Variants in ZNF804A observed in about 807,000 individuals in gnomAD.
ZNF804A encodes the protein zinc finger protein 804A.
ZNF804A carries 2 observed loss-of-function variants against 16.5 expected under a neutral mutation model. The ratio of observed to expected loss-of-function variants is 0.12; its 90% confidence interval spans 0.05 to 0.38. ZNF804A has a LOEUF of 0.38. Among genes scored for constraint, ZNF804A ranks in the 10% least tolerant of loss-of-function variants. The probability of loss-of-function intolerance (pLI) is 0.99; values close to 1 mark genes in which losing one functional copy is unlikely to be tolerated. For synonymous variants in ZNF804A, 534 were observed against 489.6 expected (o/e 1.09, Z -1.20); for missense variants, 1,473 against 1,390.7 (o/e 1.06, Z -0.94).
chr2:184,617,185 G>A (rs1381396087), intron 1 of ZNF804A, among the ~76,000 whole-genome samples: 2 of 151,928 alleles, frequency 1.3e-5, no homozygotes, highest in East Asian at 3.9e-4. Flanking sequence ...CTACAGAATG[G>A]GTGGAAATGT....
At chr2:184,907,836 A>G in intron 2 of ZNF804A, among the ~76,000 whole-genome samples, 1 of 152,110 alleles carries the variant, frequency 6.6e-6, no homozygotes, top group Admixed American at 6.6e-5. Context: ...CATGTTTTTT[A>G]TTTTGATTTT....
chr2:184,938,334 C>G lies in ZNF804A; in HGVS notation c.2938C>G (p.Pro980Ala), dbSNP rs1685829835. The G allele has an allele frequency of 6.2e-7, 1 of 1,614,048 alleles. No individual in the cohort carries two copies. The highest frequency in any genetic ancestry group is 8.5e-7 in the Non-Finnish European group (1 of 1,180,026). The change falls in exon 4 of 4, where the codon CCA becomes GCA. Residue 980 changes from proline to alanine, a missense_variant. Pro to Ala is a conservative substitution (Grantham distance 27). Coordinates refer to ENST00000302277, the MANE Select transcript of ZNF804A (RefSeq NM_194250.2). ...LCHYELAEALPQGKMNETPTE... is the reference protein window; with the variant it reads ...LCHYELAEALAQGKMNETPTE... ...CCATTATGAACTGGCTGAGGCCCTT[C>G]CACAAGGAAAGATGAATGAGACACC...
chr2:184,777,517 C>T (rs1694306972), intron 1 of ZNF804A, among the ~76,000 whole-genome samples: 1 of 151,466 alleles, frequency 6.6e-6, no homozygotes, highest in Non-Finnish European at 1.5e-5. Context: ...ATCTTTACCT[C>T]ATACCAATGC....
intron 2 of ZNF804A, among the ~76,000 whole-genome samples, chr2:184,896,363 T>C (rs138273773): frequency 9.3e-5 from 14 of 150,846 alleles, no homozygotes; most frequent in African/African-American, 3.5e-4. Context: ...ATCTTCATGT[T>C]ATACTCAGAT....
chr2:184,688,001 C>T (rs1325278283), intron 1 of ZNF804A, among the ~76,000 whole-genome samples: 1 of 152,060 alleles, frequency 6.6e-6, no homozygotes, highest in East Asian at 1.9e-4. Flanking sequence ...TGCCTGTAGT[C>T]CCAGCTACCC....
chr2:184,894,861 AT>A (rs1322609610), intron 2 of ZNF804A, among the ~76,000 whole-genome samples: 1 of 151,410 alleles, frequency 6.6e-6, no homozygotes, highest in Non-Finnish European at 1.5e-5. Context: ...AATTTTTTGT[AT>A]TTTTTTGTTT....
chr2:184,909,765 A>G (rs1685328614), intron 2 of ZNF804A, among the ~76,000 whole-genome samples: 1 of 151,902 alleles, frequency 6.6e-6, no homozygotes, highest in African/African-American at 2.4e-5. Flanking sequence ...AAAAAAAGAA[A>G]CTGATATTTA....
intron 2 of ZNF804A, among the ~76,000 whole-genome samples, chr2:184,884,090 A>T (rs2105819009): frequency 6.6e-6 from 1 of 152,272 alleles, no homozygotes; most frequent in Non-Finnish European, 1.5e-5. Context: ...CCTAGATCTG[A>T]TAAACAACTT....
chr2:184,845,309 G>A (rs537200378), intron 1 of ZNF804A, among the ~76,000 whole-genome samples: 4 of 152,220 alleles, frequency 2.6e-5, no homozygotes, highest in African/African-American at 9.6e-5. Context: ...TAGGAACTGA[G>A]ATAAATAGAC....
At chr2:184,877,574 C>T (rs1057463014) in intron 2 of ZNF804A, among the ~76,000 whole-genome samples, 1 of 151,906 alleles carries the variant, frequency 6.6e-6, no homozygotes, top group Non-Finnish European at 1.5e-5. Flanking sequence ...ATTTTTTGCT[C>T]TCTGTGGTAA....
intron 1 of ZNF804A, among the ~76,000 whole-genome samples, chr2:184,847,069 G>A (rs1193495782): frequency 2.0e-5 from 3 of 152,076 alleles, no homozygotes; most frequent in African/African-American, 4.8e-5. Context: ...AATTCTTAAA[G>A]GAGATATCAC....
intron 1 of ZNF804A, among the ~76,000 whole-genome samples, chr2:184,828,685 T>C (rs967214213): frequency 2.0e-5 from 3 of 151,870 alleles, no homozygotes; most frequent in Non-Finnish European, 4.4e-5. Flanking sequence ...GACTTCATGA[T>C]GTGTAAAATG....
intron 1 of ZNF804A, among the ~76,000 whole-genome samples, chr2:184,857,417 G>A (rs904743066): frequency 6.6e-6 from 1 of 152,016 alleles, no homozygotes; most frequent in African/African-American, 2.4e-5. Context: ...CCAGGAGAAT[G>A]TCCCATGTAC....
intron 1 of ZNF804A, among the ~76,000 whole-genome samples, chr2:184,742,320 T>A (rs1157606912): frequency 6.6e-6 from 1 of 151,980 alleles, no homozygotes; most frequent in Admixed American, 6.6e-5. Flanking sequence ...TTGAAAAAAA[T>A]TATGGCTTAA....
Position 184,722,125 on chromosome 2 carries a change from A to G in ZNF804A, c.111+123055A>G, listed in dbSNP as rs1226333743. Among the ~76,000 whole-genome samples, 4 of 151,978 alleles carry G rather than the reference A, an allele frequency of 2.6e-5. No individual in the cohort carries two copies. The East Asian group carries it at 5.8e-4, about 22-fold the overall frequency. On this transcript the variant is annotated intron_variant, in intron 1 of 3. Coordinates refer to ENST00000302277, the MANE Select transcript of ZNF804A (RefSeq NM_194250.2). ...TGTGTATGGGTTGGGGGGGATGAAG[A>G]AACATCATTTTGACGTAAAAAAAGC...
chr2:184,675,145 T>A (rs1021475372), intron 1 of ZNF804A, among the ~76,000 whole-genome samples: 6 of 151,848 alleles, frequency 4.0e-5, no homozygotes, highest in Non-Finnish European at 7.4e-5. Context: ...TATATATAGA[T>A]GTAGATGCAT....
intron 1 of ZNF804A, among the ~76,000 whole-genome samples, chr2:184,733,067 A>C (rs1693545433): frequency 6.6e-6 from 1 of 152,110 alleles, no homozygotes; most frequent in Non-Finnish European, 1.5e-5. Flanking sequence ...ATGATATAGA[A>C]AAGGAGGAGT....
At chr2:184,798,662 C>G (rs1234638753) in intron 1 of ZNF804A, among the ~76,000 whole-genome samples, 1 of 152,100 alleles carries the variant, frequency 6.6e-6, no homozygotes, top group Non-Finnish European at 1.5e-5. Context: ...GTTTTCCTTG[C>G]ATTGGGCTTC....
intron 1 of ZNF804A, among the ~76,000 whole-genome samples, chr2:184,768,819 G>T (rs1394177442): frequency 6.6e-6 from 1 of 151,992 alleles, no homozygotes; most frequent in Non-Finnish European, 1.5e-5. Flanking sequence ...TAACTTTACT[G>T]ACATTTTGTA....
Sources: allele counts gnomAD v4.1 joint callset (sites outside exome capture counted in the v4.1 genomes callset), GRCh38; gene constraint gnomAD v4.1.1; transcripts MANE v1.5; gene names NCBI Gene and HGNC (gene_info 2026-07-23, HGNC 2026-07-21).